The following UNC5D variants were observed in gnomAD, a reference collection of about 807,000 sequenced individuals.
The protein encoded by UNC5D is unc-5 netrin receptor D, also known as netrin receptor UNC5D.
Under a neutral mutation model 105.4 loss-of-function variants are expected in UNC5D, and 39 were observed. The observed-to-expected ratio is 0.37, with a 90% CI of 0.29 to 0.48. The LOEUF (loss-of-function observed/expected upper bound fraction) is 0.48, where lower values mean the gene tolerates loss of function less well. UNC5D is among the 20% of genes least tolerant of loss of function. The pLI is 0.98. For missense variants in UNC5D, 991 were observed against 1,202.4 expected, an observed-to-expected ratio of 0.82 and a Z score of 2.60; for synonymous variants, 452 against 450.4, an observed-to-expected ratio of 1.00 and a Z score of -0.04.
intron 1 of UNC5D, among the ~76,000 whole-genome samples, chr8:35,509,904 A>G (rs1812585344): frequency 6.6e-6 from 1 of 152,140 alleles, no homozygotes; most frequent in Non-Finnish European, 1.5e-5. Context: ...ACAGAGCTTA[A>G]GGAAACCCTT....
intron 1 of UNC5D, among the ~76,000 whole-genome samples, chr8:35,250,205 G>A (rs1056894206): frequency 2.0e-5 from 3 of 152,130 alleles, no homozygotes; most frequent in African/African-American, 7.2e-5. Context: ...TGATGCCAAG[G>A]CATTGATCTC....
intron 1 of UNC5D, among the ~76,000 whole-genome samples, chr8:35,470,734 A>G (rs1809651054): frequency 6.6e-6 from 1 of 151,440 alleles, no homozygotes; most frequent in Non-Finnish European, 1.5e-5. Flanking sequence ...ACACCACTGC[A>G]CTCCAGCCTG....
rs1469522981 is a variant in UNC5D at position 35,568,171 on chromosome 8, T to C, written c.396T>C (p.Tyr132=). Residue 132 remains tyrosine (Y), a synonymous_variant, in exon 3 of 17, where the codon TAT becomes TAC. Coordinates refer to ENST00000404895, the MANE Select transcript of UNC5D (RefSeq NM_080872.4). ...QVEDFHGPED[Y]WCQCVAWSHL... The stretch of plus-strand genomic sequence containing the variant: ...AGGACTTCCATGGGCCCGAGGACTA[T>C]TGGTGCCAGTGTGTGGCGTGGAGCC... The C allele has an allele frequency of 6.2e-7, 1 of 1,614,188 alleles. No homozygotes were observed. The highest frequency in any genetic ancestry group is 1.3e-5 in the African/African-American group (1 of 75,060).
intron 1 of UNC5D, among the ~76,000 whole-genome samples, chr8:35,296,229 T>C (rs1175826834): frequency 1.3e-5 from 2 of 152,172 alleles, no homozygotes; most frequent in East Asian, 1.9e-4. Context: ...TTTGAGGAGC[T>C]TCTATACTAT....
At chr8:35,348,746 G>A (rs1811985711) in intron 1 of UNC5D, among the ~76,000 whole-genome samples, 1 of 151,746 alleles carries the variant, frequency 6.6e-6, no homozygotes, top group Non-Finnish European at 1.5e-5. Context: ...TAAAGTTGAA[G>A]ATGTATATAT....
intron 1 of UNC5D, among the ~76,000 whole-genome samples, chr8:35,462,479 C>T (rs973220392): frequency 1.3e-5 from 2 of 152,144 alleles, no homozygotes; most frequent in South Asian, 4.1e-4. Flanking sequence ...GGTTATTATG[C>T]ATCATTTTAA....
At chr8:35,739,866 T>C (rs1213230061) in intron 11 of UNC5D, among the ~76,000 whole-genome samples, 1 of 152,174 alleles carries the variant, frequency 6.6e-6, no homozygotes, top group African/African-American at 2.4e-5. Flanking sequence ...CTCCCACGTT[T>C]TCTAAGACAA....
At chr8:35,418,723 G>A (rs1805693124) in intron 1 of UNC5D, among the ~76,000 whole-genome samples, 1 of 152,160 alleles carries the variant, frequency 6.6e-6, no homozygotes, top group Non-Finnish European at 1.5e-5. Context: ...ATCATGCTCT[G>A]CACAAAACTA....
chr8:35,367,311 C>T lies in UNC5D; in HGVS notation c.103+131424C>T, dbSNP rs971985706. On this transcript the variant is annotated intron_variant, in intron 1 of 16. Coordinates refer to ENST00000404895, the MANE Select transcript of UNC5D (RefSeq NM_080872.4). ...TTCCCTTTTCCCATGCTTTCATGCC[C>T]TTCCACAGTTCCTGTCTGCCATTAA... Among the ~76,000 whole-genome samples the T allele has an allele frequency of 3.3e-5, 5 of 152,132 alleles. No individual in the cohort carries two copies. The South Asian group carries it at 8.3e-4, about 25-fold the overall frequency.
At chr8:35,776,378 A>G (rs187837356) in intron 16 of UNC5D, among the ~76,000 whole-genome samples, 393 of 152,372 alleles carry the variant, frequency 2.6e-3, no homozygotes, top group African/African-American at 8.7e-3. Flanking sequence ...AAGCATGTAC[A>G]TGTTCCTACC....
intron 1 of UNC5D, among the ~76,000 whole-genome samples, chr8:35,282,037 G>T (rs899197922): frequency 6.6e-6 from 1 of 152,190 alleles, no homozygotes; most frequent in Non-Finnish European, 1.5e-5. Context: ...AGCTAAGCCG[G>T]ATTCAGCTGT....
chr8:35,468,586 G>A (rs1045203294), intron 1 of UNC5D, among the ~76,000 whole-genome samples: 2 of 152,096 alleles, frequency 1.3e-5, no homozygotes, highest in African/African-American at 2.4e-5. Context: ...CTGTCTCCTT[G>A]AGTTATTACA....
At chr8:35,725,127 C>T (rs1186948154) in intron 9 of UNC5D, among the ~76,000 whole-genome samples, 3 of 152,118 alleles carry the variant, frequency 2.0e-5, no homozygotes, top group Admixed American at 2.0e-4. Context: ...GAGGCTAATA[C>T]AATATGGCCA....
intron 9 of UNC5D, among the ~76,000 whole-genome samples, chr8:35,724,473 A>G (rs1828752163): frequency 6.6e-6 from 1 of 152,166 alleles, no homozygotes; most frequent in Admixed American, 6.5e-5. Flanking sequence ...GACTTGAAAA[A>G]GGATTTCCAA....
At chr8:35,460,247 C>T (rs895012687) in intron 1 of UNC5D, among the ~76,000 whole-genome samples, 1 of 152,114 alleles carries the variant, frequency 6.6e-6, no homozygotes, top group Non-Finnish European at 1.5e-5. Context: ...AGGGGGGCAG[C>T]ATTCAGTGTT....
At position 35,382,176 on chromosome 8, in the gene UNC5D, C is replaced by T. The variant is rs145057177; in HGVS notation, c.103+146289C>T. On this transcript the variant is annotated intron_variant, in intron 1 of 16. Transcript: ENST00000404895. The stretch of plus-strand genomic sequence containing the variant: ...CAGTCTGGAATAACCTTGAGGAGTT[C>T]ACAGTTCTGCACAGACTAAGATAAA... Among the ~76,000 whole-genome samples, 71 of 152,314 alleles carry T rather than the reference C, an allele frequency of 4.7e-4. 1 individual carries two copies. In the East Asian group the frequency reaches 0.011, roughly 24 times the overall value.
At chr8:35,443,727 A>C (rs2128985725) in intron 1 of UNC5D, among the ~76,000 whole-genome samples, 1 of 152,128 alleles carries the variant, frequency 6.6e-6, no homozygotes, top group East Asian at 1.9e-4. Flanking sequence ...GATCTTTCCC[A>C]ACTCATTTTA....
intron 7 of UNC5D, among the ~76,000 whole-genome samples, chr8:35,688,243 CAAA>C (rs572052920): frequency 2.3e-5 from 3 of 128,842 alleles, no homozygotes; most frequent in Non-Finnish European, 1.7e-5. Context: ...AAATATCCAG[CAAA>C]AAAAAAAAAA....
intron 9 of UNC5D, 144 bp downstream of exon 9, chr8:35,722,539 C>A (rs1828638631): frequency 1.9e-6 from 2 of 1,074,786 alleles, no homozygotes; most frequent in Non-Finnish European, 2.6e-6. Flanking sequence ...CATGAACAGA[C>A]CGGGCTGGGT....
Sources: gnomAD v4.1 joint callset for allele counts (sites outside exome capture counted in the v4.1 genomes callset) on GRCh38, gnomAD v4.1.1 for gene constraint, MANE v1.5 for transcripts, NCBI Gene and HGNC (gene_info 2026-07-23, HGNC 2026-07-21) for gene names.